ZNF605: variants seen among roughly 807,000 people sequenced by gnomAD.
ZNF605 encodes zinc finger protein 605.
Under a neutral mutation model 7.9 loss-of-function variants are expected in ZNF605, and 9 were observed. That is an observed-to-expected ratio of 1.14 (90% CI 0.68 to 1.98). The LOEUF is 1.98. Ranked by LOEUF, ZNF605 falls within the 30% of genes most tolerant of loss-of-function variation. The probability of loss-of-function intolerance (pLI) is 0.00; values close to 1 mark genes in which losing one functional copy is unlikely to be tolerated. For synonymous variants in ZNF605, 255 were observed against 260.1 expected (o/e 0.98, Z 0.19); for missense variants, 673 against 762.4 (o/e 0.88, Z 1.38).
intron 3 of ZNF605, among the ~76,000 whole-genome samples, chr12:132,937,233 C>A (rs1479955493): frequency 6.6e-6 from 1 of 151,802 alleles, no homozygotes; most frequent in East Asian, 1.9e-4. Context: ...GTGACACGCA[C>A]CTGTAATCCT....
chr12:132,954,914 T>C (rs1290054881), intron 1 of ZNF605, among the ~76,000 whole-genome samples: 1 of 152,054 alleles, frequency 6.6e-6, no homozygotes, highest in East Asian at 1.9e-4. Context: ...TCCTAATGCT[T>C]CCATCATAAG....
rs1952280833 is a variant in ZNF605, at chr12:132,929,229, G to C, written c.137-2067C>G. On this transcript the variant is annotated intron_variant, in intron 4 of 4. Coordinates refer to ENST00000360187, the MANE Select transcript of ZNF605 (RefSeq NM_183238.4). ...TCAAGACCAGCCTGGCCAACATGGT[G>C]AAACCCCATCTCTACCCAAATACAA... Among the ~76,000 whole-genome samples the C allele has an allele frequency of 2.0e-5, 3 of 151,108 alleles. No individual in the cohort carries two copies. In the South Asian group the frequency reaches 6.3e-4, roughly 32 times the overall value.
intron 3 of ZNF605, among the ~76,000 whole-genome samples, chr12:132,944,223 CTT>C (rs112311221): frequency 0.031 from 4,636 of 147,250 alleles, 242 homozygotes; most frequent in African/African-American, 0.11. Context: ...TATTCCTTTA[CTT>C]TTTTTTTTTT....
Position 132,941,586 on chromosome 12 carries a change from G to A in ZNF605, c.15+4035C>T, listed in dbSNP as rs950570361. The stretch of plus-strand genomic sequence containing the variant: ...GCGTCTGAGGAACCGTATCGCTCAC[G>A]AGCAACAGGGTAACTGACTGTTGTA... On this transcript the variant is annotated intron_variant, in intron 3 of 4. Transcript: ENST00000360187. The surrounding 1 kb of genome is among the most constrained non-coding windows in gnomAD (Gnocchi z 5.1). Among the ~76,000 whole-genome samples the A allele has an allele frequency of 1.3e-5, 2 of 152,196 alleles. No individual in the cohort carries two copies. Among genetic ancestry groups the A allele is most frequent in the African/African-American group, 4.8e-5 (2 of 41,456 alleles).
chr12:132,926,463 T>G lies in ZNF605; in HGVS notation c.836A>C (p.Lys279Thr). ...CCCACACTCACTGCAACTGTAGGGT[T>G]TCTCTATTGTGTGCGTTATCTGATG... Reference protein sequence around the residue: ...KRHQITHTIEKPYSCSECGKA... With the variant: ...KRHQITHTIETPYSCSECGKA... The change falls in exon 5 of 5, where the codon AAA (lysine) becomes ACA (threonine). Residue 279 changes from lysine (K) to threonine (T), a missense_variant. Physicochemically the swap from Lys to Thr is moderately conservative, Grantham distance 78. Coordinates refer to ENST00000360187, the MANE Select transcript of ZNF605 (RefSeq NM_183238.4). 1 of 1,614,188 alleles carries G rather than the reference T, an allele frequency of 6.2e-7. No homozygotes were observed. The highest frequency in any genetic ancestry group is 1.1e-5 in the South Asian group (1 of 91,076).
rs1238575524 is a variant in ZNF605, at chr12:132,925,959, T to C, written c.1340A>G (p.Lys447Arg). 6.2e-7 allele frequency: 1 copy of C among 1,614,214 alleles called. No homozygotes were observed. ...LTHHRTHTGE[K>R]PYECSECGKA... ...CCCACACTCACTGCATTCATAAGGC[T>C]TCTCCCCAGTGTGTGTTCTGTGATG... The change falls in exon 5 of 5, where the codon AAG becomes AGG. Residue 447 changes from lysine (K) to arginine (R), a missense_variant. Physicochemically the swap from Lys to Arg is conservative, Grantham distance 26. Transcript: ENST00000360187.
Position 132,924,168 on chromosome 12 carries a change from T to G in ZNF605, c.*1205A>C, listed in dbSNP as rs1375840204. On this transcript the variant is annotated 3_prime_UTR_variant, in exon 5 of 5. Coordinates refer to ENST00000360187, the MANE Select transcript of ZNF605 (RefSeq NM_183238.4). ...TTTCTACTGATTTTTCTCCTGGTTA[T>G]AAGTCATATTTTATTGCTTCTTTGC... 1 of 152,226 alleles carries G rather than the reference T, an allele frequency of 6.6e-6. No individual in the cohort carries two copies. The highest frequency in any genetic ancestry group is 2.4e-5 in the African/African-American group (1 of 41,454). The allele number at this position is 152,226 out of a possible 1,614,324, so 9.4% of individuals were successfully genotyped here. A position where few individuals can be genotyped will look rare whatever the true frequency, so the allele number is the denominator to read the frequency against.
intron 3 of ZNF605, among the ~76,000 whole-genome samples, chr12:132,944,288 G>T (rs1256302409): frequency 6.6e-6 from 1 of 151,868 alleles, no homozygotes; most frequent in Non-Finnish European, 1.5e-5. Flanking sequence ...TGCCACTCCT[G>T]GCGTAGGACT....
chr12:132,940,110 G>T (rs1952420704), intron 3 of ZNF605, among the ~76,000 whole-genome samples: 1 of 152,158 alleles, frequency 6.6e-6, no homozygotes, highest in Non-Finnish European at 1.5e-5. Flanking sequence ...ACCCATTCTG[G>T]ACACACTGGG....
Position 132,932,988 on chromosome 12 carries a change from C to T in ZNF605, c.136+47G>A, listed in dbSNP as rs749727297. 36 of 1,532,774 alleles carry T rather than the reference C, an allele frequency of 2.3e-5. No homozygotes were observed. In the East Asian group the frequency reaches 7.9e-4, roughly 34 times the overall value. 94.9% of individuals were successfully genotyped at this position (1,532,774 alleles called of 1,614,324 possible). On this transcript the variant is annotated intron_variant, in intron 4 of 4. Coordinates refer to ENST00000360187, the MANE Select transcript of ZNF605 (RefSeq NM_183238.4). The stretch of plus-strand genomic sequence containing the variant: ...ACATCCAAAATAAACAAACACCTCA[C>T]AGGCCAGTTACTGGCCATACACTAA...
rs150752438 is a variant in ZNF605, at chr12:132,925,025, T to C, written c.*348A>G. On this transcript the variant is annotated 3_prime_UTR_variant, in exon 5 of 5. Transcript: ENST00000360187. ...TGTCCTTTCTTGAAATCTTCCACTT[T>C]GTTATAAAAAACAATAGAATTTTCT... 2.8e-4 allele frequency: 52 copies of C among 188,248 alleles called. No homozygotes were observed. Among genetic ancestry groups the C allele is most frequent in the African/African-American group, 1.1e-3 (49 of 42,714 alleles). The allele number at this position is 188,248 out of a possible 1,614,324, so 11.7% of individuals were successfully genotyped here.
intron 3 of ZNF605, among the ~76,000 whole-genome samples, chr12:132,939,439 C>T (rs1468352567): frequency 6.6e-5 from 10 of 152,162 alleles, no homozygotes; most frequent in Non-Finnish European, 1.2e-4. Context: ...CACCAATCAG[C>T]ACCCTGTGTT....
Position 132,933,074 on chromosome 12 carries a change from C to A in ZNF605, c.97G>T (p.Asp33Tyr), listed in dbSNP as rs1448593124. 1 of 1,610,678 alleles carries A rather than the reference C, an allele frequency of 6.2e-7. No homozygotes were observed. The highest frequency in any genetic ancestry group is 1.1e-5 in the South Asian group (1 of 90,590). Residue 33 changes from aspartate to tyrosine, a missense_variant, in exon 4 of 5, where the codon GAT becomes TAT. Transcript: ENST00000360187. The surrounding 1 kb of genome is among the most constrained non-coding windows in gnomAD (Gnocchi z 4.4). ...TTGCTATAGTTCTCCAACATCACAT[C>A]TCTGTACAAGTTCTTCTGAGTAGGA... ...LNPTQKNLYR[D>Y]VMLENYSNLV...
rs1566227685 is a variant in ZNF605 at position 132,923,092 on chromosome 12, C to G, written c.*2281G>C. On this transcript the variant is annotated 3_prime_UTR_variant, in exon 5 of 5. Coordinates refer to ENST00000360187, the MANE Select transcript of ZNF605 (RefSeq NM_183238.4). ...GCCCTGAAGGAATAGGCTTCTAACTCAGATGATGCAGTCTACTCAACTATA... is the reference window on the plus strand; with the variant it reads ...GCCCTGAAGGAATAGGCTTCTAACTGAGATGATGCAGTCTACTCAACTATA... 6.6e-6 allele frequency: 1 copy of G among 152,232 alleles called. No individual in the cohort carries two copies. The allele number at this position is 152,232 out of a possible 1,614,324, so 9.4% of individuals were successfully genotyped here.
At chr12:132,954,423 T>TAGGGGAGGAGAAGGGTGGGGAG in intron 1 of ZNF605, among the ~76,000 whole-genome samples, 18 of 1,414 alleles carry the variant, frequency 0.013, no homozygotes, top group African/African-American at 0.018. Flanking sequence ...ATGAGAAGGA[T>TAGGGGAGGAGAAGGGTGGGGAG]GGGGGAGGAG....
intron 4 of ZNF605, 110 bp from the exon 5 acceptor site, chr12:132,927,272 A>C: frequency 1.4e-6 from 1 of 735,998 alleles, no homozygotes; most frequent in Non-Finnish European, 2.0e-6. Flanking sequence ...ATTCCCTCAA[A>C]TAATGTGTAC....
chr12:132,925,170 T>C lies in ZNF605; in HGVS notation c.*203A>G, dbSNP rs982607999. Reference sequence around the variant, plus strand: ...CATCCAATATGTAACGAGTAGTGTCTTCTGGGAGATGACTTTTTTTACACT... The same window carrying C: ...CATCCAATATGTAACGAGTAGTGTCCTCTGGGAGATGACTTTTTTTACACT... On this transcript the variant is annotated 3_prime_UTR_variant, in exon 5 of 5. Transcript: ENST00000360187. 1 of 502,738 alleles carries C rather than the reference T, an allele frequency of 2.0e-6. No individual in the cohort carries two copies. The highest frequency in any genetic ancestry group is 3.5e-6 in the Non-Finnish European group (1 of 287,356). The allele number at this position is 502,738 out of a possible 1,614,324, so 31.1% of individuals were successfully genotyped here. A position where few individuals can be genotyped will look rare whatever the true frequency, so the allele number is the denominator to read the frequency against.
In ZNF605 at chr12:132,945,713, G is replaced by A; in HGVS notation, c.-78C>T. ...ACCCTGGAGTGGCCTCTGGTCAGTG[G>A]TCTGTAAACTGAGAATACATCCTTG... On this transcript the variant is annotated 5_prime_UTR_variant, in exon 3 of 5. Transcript: ENST00000360187. 2 of 1,600,784 alleles carry A rather than the reference G, an allele frequency of 1.2e-6. No individual in the cohort carries two copies. Among genetic ancestry groups the A allele is most frequent in the Non-Finnish European group, 1.7e-6 (2 of 1,167,808 alleles).
chr12:132,948,573 GAGA>G (rs1172860224), intron 1 of ZNF605: 2 of 152,246 alleles, frequency 1.3e-5, no homozygotes, highest in Non-Finnish European at 2.9e-5. Context: ...TAAACTGAGC[GAGA>G]AGACCTACAG....
Sources: gnomAD v4.1 joint callset for allele counts (sites outside exome capture counted in the v4.1 genomes callset) on GRCh38, gnomAD v4.1.1 for gene constraint, Gnocchi (gnomAD v3.1) non-coding constraint, MANE v1.5 for transcripts, NCBI Gene and HGNC (gene_info 2026-07-23, HGNC 2026-07-21) for gene names.